Variants in FRK observed in about 807,000 individuals in gnomAD.
FRK encodes tyrosine-protein kinase FRK.
A neutral mutation model predicts 56.4 loss-of-function variants in FRK; 51 were observed. The ratio of observed to expected loss-of-function variants is 0.90; its 90% CI spans 0.72 to 1.14. The LOEUF (loss-of-function observed/expected upper bound fraction) is 1.14, where lower values mean the gene tolerates loss of function less well. FRK is among the 50% of genes most tolerant of loss of function. The probability of loss-of-function intolerance (pLI) is 0.00; values close to 1 mark genes in which losing one functional copy is unlikely to be tolerated. For synonymous variants in FRK, 245 were observed against 217.9 expected, an observed-to-expected ratio of 1.12 and a Z score of -1.10; for missense variants, 570 against 601.4, an observed-to-expected ratio of 0.95 and a Z score of 0.55.
At chr6:115,962,078 G>A (rs1269829858) in intron 4 of FRK, among the ~76,000 whole-genome samples, 1 of 143,372 alleles carries the variant, frequency 7.0e-6, no homozygotes, top group East Asian at 2.0e-4. Flanking sequence ...AGTAAATTCT[G>A]CAATTAAAAG....
the FRK span, among the ~76,000 whole-genome samples, chr6:116,072,339 T>C: frequency 6.6e-6 from 1 of 152,138 alleles, no homozygotes; most frequent in African/African-American, 2.4e-5. Context: ...TGTCATTCTT[T>C]CTAAATAAAA....
intron 5 of FRK, among the ~76,000 whole-genome samples, chr6:115,951,213 T>G (rs979438811): frequency 1.3e-5 from 2 of 152,174 alleles, no homozygotes; most frequent in African/African-American, 4.8e-5. Flanking sequence ...GAAGTTAATA[T>G]TTATAAAAGA....
intron 1 of FRK, among the ~76,000 whole-genome samples, chr6:116,051,845 G>A (rs966070366): frequency 6.6e-6 from 1 of 152,118 alleles, no homozygotes; most frequent in Non-Finnish European, 1.5e-5. Flanking sequence ...AGAATGTACA[G>A]TAAAAATCTA....
intron 2 of FRK, among the ~76,000 whole-genome samples, chr6:115,995,674 T>A (rs1028734671): frequency 2.6e-5 from 4 of 152,140 alleles, no homozygotes; most frequent in Non-Finnish European, 5.9e-5. Flanking sequence ...TTCAGTAAGA[T>A]AAAAGATTCT....
rs201735683 is a variant in FRK, at chr6:115,953,103, GA to G, written c.958+3348del. 4.4e-4 allele frequency among the ~76,000 whole-genome samples: 58 copies of G among 131,804 alleles called. 1 individual carries two copies. The highest frequency in any genetic ancestry group is 1.3e-3 in the African/African-American group (45 of 35,216). The allele number at this position is 131,804 out of a possible 152,430, so 86.5% of individuals were successfully genotyped here. ...TAAAATAAAAAATTTTTTAAAAAAA[GA>G]AAAAAAAAGAATCTTTCATCTTAAT... On this transcript the variant is annotated intron_variant, in intron 5 of 7. Transcript: ENST00000606080.
intron 1 of FRK, among the ~76,000 whole-genome samples, chr6:116,020,129 T>C (rs1309874479): frequency 6.6e-6 from 1 of 152,108 alleles, no homozygotes; most frequent in East Asian, 1.9e-4. Context: ...ATTTATTCCA[T>C]CTATAGAAAA....
At chr6:116,068,941 A>G in the FRK span, among the ~76,000 whole-genome samples, 1 of 152,180 alleles carries the variant, frequency 6.6e-6, no homozygotes, top group African/African-American at 2.4e-5. Context: ...GAAAAAAATG[A>G]TCTAGCAATA....
At chr6:116,017,658 G>A (rs970961452) in intron 1 of FRK, among the ~76,000 whole-genome samples, 1 of 152,198 alleles carries the variant, frequency 6.6e-6, no homozygotes, top group African/African-American at 2.4e-5. Context: ...CAGGAAGTGT[G>A]TACAAGGCAA....
In FRK at chr6:115,975,872, C is replaced by T. The variant is rs1773973162; in HGVS notation, c.467-7133G>A. The stretch of plus-strand genomic sequence containing the variant: ...AGCAGAACATGTCGAAGAATTAGGA[C>T]ATATTGTGGAGACGTGGGTAAGTAT... On this transcript the variant is annotated intron_variant, in intron 2 of 7. Transcript: ENST00000606080. 7.9e-5 allele frequency among the ~76,000 whole-genome samples: 12 copies of T among 152,160 alleles called. No homozygotes were observed. In the South Asian group the frequency reaches 2.5e-3, roughly 32 times the overall value.
At chr6:115,943,214 G>T in intron 6 of FRK, 29 bp from the exon 7 acceptor site, 2 of 1,511,560 alleles carry the variant, frequency 1.3e-6, no homozygotes, top group Admixed American at 2.4e-5. Context: ...ATCAGGCCGA[G>T]TTAAAGCAAT....
chr6:116,081,439 C>T, the FRK span, among the ~76,000 whole-genome samples: 654 of 152,212 alleles, frequency 4.3e-3, 5 homozygotes, highest in African/African-American at 0.015. Flanking sequence ...GGCGGATCAC[C>T]TGAGGTCAGG....
chr6:115,986,048 T>C (rs1774379361), intron 2 of FRK, among the ~76,000 whole-genome samples: 1 of 151,644 alleles, frequency 6.6e-6, no homozygotes, highest in Non-Finnish European at 1.5e-5. Flanking sequence ...TGTACAAATT[T>C]ATGTCTGGGA....
chr6:116,061,509 G>C (rs1265144274), upstream of FRK, among the ~76,000 whole-genome samples: 1 of 151,972 alleles, frequency 6.6e-6, no homozygotes, highest in Non-Finnish European at 1.5e-5. Context: ...ACTGCTGTGG[G>C]GGCTCTTTCT....
the FRK span, among the ~76,000 whole-genome samples, chr6:116,079,768 G>T: frequency 7.5e-3 from 1,146 of 151,966 alleles, 13 homozygotes; most frequent in African/African-American, 0.026. Flanking sequence ...GTAGAGACAG[G>T]GTCTTACTAT....
rs184811190 is a variant in FRK at position 116,002,936 on chromosome 6, A to G, written c.466+941T>C. 1.6e-3 allele frequency among the ~76,000 whole-genome samples: 242 copies of G among 152,318 alleles called. 1 individual carries two copies. Among genetic ancestry groups the G allele is most frequent in the African/African-American group, 4.9e-3 (205 of 41,580 alleles). On this transcript the variant is annotated intron_variant, in intron 2 of 7. Coordinates refer to ENST00000606080, the MANE Select transcript of FRK (RefSeq NM_002031.3). ...AGTTCAGGTCAGATCAAAGTTCCCAATATATGTGGAATTATGGCCTGCTTT... is the reference window on the plus strand; with the variant it reads ...AGTTCAGGTCAGATCAAAGTTCCCAGTATATGTGGAATTATGGCCTGCTTT...
At chr6:115,946,682 G>T (rs965383418) in intron 5 of FRK, among the ~76,000 whole-genome samples, 1 of 152,168 alleles carries the variant, frequency 6.6e-6, no homozygotes, top group Non-Finnish European at 1.5e-5. Flanking sequence ...GCTAGGAAAT[G>T]ACAGAGAAAC....
At chr6:115,969,517 T>C (rs1773720585) in intron 2 of FRK, among the ~76,000 whole-genome samples, 1 of 152,122 alleles carries the variant, frequency 6.6e-6, no homozygotes, top group Non-Finnish European at 1.5e-5. Context: ...CCCCCAGTTT[T>C]CCTCAGAGAA....
the FRK span, among the ~76,000 whole-genome samples, chr6:116,071,503 G>A: frequency 3.3e-5 from 5 of 152,036 alleles, no homozygotes; most frequent in Non-Finnish European, 7.4e-5. Context: ...AGCCACTGGA[G>A]GTCATCTGCT....
At chr6:115,951,266 GA>G (rs1045321331) in intron 5 of FRK, among the ~76,000 whole-genome samples, 22 of 151,992 alleles carry the variant, frequency 1.4e-4, no homozygotes, top group African/African-American at 5.1e-4. Context: ...GTTTTTTAAA[GA>G]AAAAAAGTAT....
Sources: allele counts gnomAD v4.1 joint callset (sites outside exome capture counted in the v4.1 genomes callset), GRCh38; gene constraint gnomAD v4.1.1; transcripts MANE v1.5; gene names NCBI Gene and HGNC (gene_info 2026-07-23, HGNC 2026-07-21).